The following CSMD3 variants were observed in gnomAD, a reference collection of about 807,000 sequenced individuals.
The protein encoded by CSMD3 is CUB and sushi domain-containing protein 3.
Under a neutral mutation model 435.2 loss-of-function variants are expected in CSMD3, and 177 were observed. The observed-to-expected ratio is 0.41, with a 90% CI of 0.36 to 0.46. CSMD3 has a LOEUF of 0.46. CSMD3 is among the 20% of genes least tolerant of loss of function. The probability of loss-of-function intolerance (pLI) is 0.34; values close to 1 mark genes in which losing one functional copy is unlikely to be tolerated. For missense variants in CSMD3, 4,265 were observed against 4,504.6 expected, an observed-to-expected ratio of 0.95 and a Z score of 1.52; for synonymous variants, 1,656 against 1,520.5, an observed-to-expected ratio of 1.09 and a Z score of -2.07.
rs1331329875 is a variant in CSMD3, at chr8:113,382,367, T to G, written c.178+54310A>C. On this transcript the variant is annotated intron_variant, in intron 1 of 70. Transcript: ENST00000297405. ...ACATTTACTTAATTTGAGTTCACAA[T>G]AAGTGATGAGTCAGTCTTTTTTATT... is the stretch of plus-strand genomic sequence containing the variant. Among the ~76,000 whole-genome samples the G allele has an allele frequency of 2.6e-5, 4 of 152,308 alleles. No individual in the cohort carries two copies. In the South Asian group the frequency reaches 6.2e-4, roughly 24 times the overall value.
chr8:113,273,186 C>G (rs1788643268), intron 3 of CSMD3, among the ~76,000 whole-genome samples: 1 of 151,456 alleles, frequency 6.6e-6, no homozygotes, highest in African/African-American at 2.4e-5. Context: ...AAAACATTTT[C>G]TTGATTATTG....
chr8:113,176,733 GAAC>G (rs1419837527), intron 3 of CSMD3, among the ~76,000 whole-genome samples: 1 of 151,510 alleles, frequency 6.6e-6, no homozygotes. Context: ...ACAGGGAGGG[GAAC>G]AACAACACTG....
intron 40 of CSMD3, among the ~76,000 whole-genome samples, chr8:112,347,409 G>A (rs757560548): frequency 2.8e-4 from 43 of 152,130 alleles, no homozygotes; most frequent in Non-Finnish European, 5.4e-4. Flanking sequence ...CATTTATTTC[G>A]TGCCAAGAGT....
chr8:112,898,558 T>C (rs2082015925), intron 10 of CSMD3, among the ~76,000 whole-genome samples: 1 of 151,212 alleles, frequency 6.6e-6, no homozygotes, highest in African/African-American at 2.4e-5. Context: ...AGTAATGCAA[T>C]AACAATAAAA....
chr8:112,919,781 G>A (rs961245975), intron 10 of CSMD3, among the ~76,000 whole-genome samples: 1 of 151,810 alleles, frequency 6.6e-6, no homozygotes, highest in Non-Finnish European at 1.5e-5. Context: ...TTACTGCCAT[G>A]ACATTCATGA....
intron 1 of CSMD3, among the ~76,000 whole-genome samples, chr8:113,389,587 T>A (rs1361245090): frequency 2.0e-5 from 3 of 151,764 alleles, no homozygotes; most frequent in Non-Finnish European, 4.4e-5. Flanking sequence ...TACTCTGCCC[T>A]TGAAGAAACT....
At chr8:112,944,151 T>C (rs1253733344) in intron 9 of CSMD3, among the ~76,000 whole-genome samples, 2 of 151,676 alleles carry the variant, frequency 1.3e-5, no homozygotes, top group East Asian at 3.9e-4. Flanking sequence ...AAACTTTCTC[T>C]CCCATCCATC....
At chr8:113,280,300 T>G (rs188250328) in intron 2 of CSMD3, among the ~76,000 whole-genome samples, 1 of 151,940 alleles carries the variant, frequency 6.6e-6, no homozygotes, top group Non-Finnish European at 1.5e-5. Flanking sequence ...TCTTGGACTT[T>G]TTTTCGTTGC....
intron 27 of CSMD3, among the ~76,000 whole-genome samples, chr8:112,531,872 GACTA>G (rs1479812565): frequency 2.6e-5 from 4 of 151,988 alleles, no homozygotes; most frequent in Admixed American, 6.6e-5. Flanking sequence ...TAAGCAAACA[GACTA>G]ACTAAGGCGC....
chr8:113,121,770 T>A (rs1357655173), intron 4 of CSMD3, among the ~76,000 whole-genome samples: 1 of 152,110 alleles, frequency 6.6e-6, no homozygotes, highest in Admixed American at 6.6e-5. Flanking sequence ...TGTTTACAGT[T>A]CTTTATATAT....
In CSMD3 at chr8:113,293,914, G is replaced by A. The variant is rs117312202; in HGVS notation, c.402-15210C>T. On this transcript the variant is annotated intron_variant, in intron 2 of 70. Coordinates refer to ENST00000297405, the MANE Select transcript of CSMD3 (RefSeq NM_198123.2). ...ACAGTTAACTGAGTACTACCTTACT[G>A]ATGATAAAATCAGATCACGGTTTAA... 2.0e-3 allele frequency among the ~76,000 whole-genome samples: 301 copies of A among 152,160 alleles called. 7 individuals are homozygous for A. In the East Asian group the frequency reaches 0.05, roughly 25 times the overall value.
At chr8:113,252,764 T>C (rs1242945282) in intron 3 of CSMD3, among the ~76,000 whole-genome samples, 1 of 152,196 alleles carries the variant, frequency 6.6e-6, no homozygotes. Flanking sequence ...CATGGAGATA[T>C]TCTGCAGATG....
chr8:113,234,582 G>A (rs2132208249), intron 3 of CSMD3, among the ~76,000 whole-genome samples: 1 of 152,174 alleles, frequency 6.6e-6, no homozygotes, highest in African/African-American at 2.4e-5. Context: ...AGAATTCTAG[G>A]GCAATTCTAC....
intron 10 of CSMD3, among the ~76,000 whole-genome samples, chr8:112,876,242 T>C (rs945827621): frequency 2.2e-4 from 34 of 152,188 alleles, no homozygotes; most frequent in African/African-American, 7.7e-4. Context: ...CCAAACTCTA[T>C]CAGAGGTACA....
intron 13 of CSMD3, among the ~76,000 whole-genome samples, chr8:112,768,858 T>C (rs1257824140): frequency 6.6e-6 from 1 of 151,920 alleles, no homozygotes; most frequent in African/African-American, 2.4e-5. Flanking sequence ...CAAGGTCACC[T>C]ATTCTGTTAA....
At chr8:112,263,550 A>T in intron 61 of CSMD3, 89 bp downstream of exon 61, 1 of 980,138 alleles carries the variant, frequency 1.0e-6, no homozygotes, top group South Asian at 1.4e-5. Flanking sequence ...AACCCTAATT[A>T]GGCATTGAAG....
intron 22 of CSMD3, among the ~76,000 whole-genome samples, chr8:112,625,584 C>A (rs552650653): frequency 3.3e-5 from 5 of 152,152 alleles, no homozygotes; most frequent in East Asian, 1.9e-4. Flanking sequence ...CTATCCATCA[C>A]CTTTGAAATA....
At chr8:112,600,011 A>T in intron 22 of CSMD3, among the ~76,000 whole-genome samples, 1 of 151,084 alleles carries the variant, frequency 6.6e-6, no homozygotes, top group East Asian at 1.9e-4. Flanking sequence ...CTAAAACTTA[A>T]AGTATATATA....
chr8:112,522,721 T>C (rs992110330), intron 27 of CSMD3, among the ~76,000 whole-genome samples: 2 of 151,924 alleles, frequency 1.3e-5, no homozygotes, highest in African/African-American at 4.8e-5. Flanking sequence ...CGCTTTACTC[T>C]GTTATGAATA....
Sources: gnomAD v4.1 joint callset for allele counts (sites outside exome capture counted in the v4.1 genomes callset) on GRCh38, gnomAD v4.1.1 for gene constraint, MANE v1.5 for transcripts, NCBI Gene and HGNC (gene_info 2026-07-23, HGNC 2026-07-21) for gene names.